The following SENP7 variants were observed in gnomAD, a reference collection of about 807,000 sequenced individuals.
SENP7 encodes sentrin-specific protease 7.
In SENP7, 64 loss-of-function variants were observed where a neutral mutation model predicts 141.2. The observed-to-expected ratio is 0.45, with a 90% CI of 0.37 to 0.56. The LOEUF is 0.56. SENP7 is among the 20% of genes least tolerant of loss of function. SENP7 has a pLI of 0.00. For missense variants in SENP7, 1,025 were observed against 1,212.2 expected, an observed-to-expected ratio of 0.85 and a Z score of 2.29; for synonymous variants, 382 against 426.4, an observed-to-expected ratio of 0.90 and a Z score of 1.28.
chr3:101,430,825 T>C (rs1472609305), intron 4 of SENP7, among the ~76,000 whole-genome samples: 2 of 152,236 alleles, frequency 1.3e-5, no homozygotes, highest in African/African-American at 2.4e-5. Context: ...TTTAGTGCTA[T>C]AAATTTCCCT....
intron 1 of SENP7, among the ~76,000 whole-genome samples, chr3:101,507,065 A>G (rs2065650486): frequency 6.6e-6 from 1 of 151,608 alleles, no homozygotes; most frequent in Admixed American, 6.6e-5. Context: ...CATCTCAAAA[A>G]AAAAAAAAAA....
rs1361281394 is a variant in SENP7 at position 101,493,959 on chromosome 3, T to A, written c.100A>T (p.Met34Leu). The A allele has an allele frequency of 6.3e-7, 1 of 1,597,964 alleles. No homozygotes were observed. Among genetic ancestry groups the A allele is most frequent in the Admixed American group, 1.7e-5 (1 of 59,972 alleles). Residue 34 changes from methionine (M) to leucine (L), a missense_variant, in exon 3 of 24, where the codon ATG becomes TTG. Physicochemically the swap from Met to Leu is conservative, Grantham distance 15. Transcript: ENST00000394095. ...SSSDLSEIRK[M>L]LNAKPEDVHV... The stretch of plus-strand genomic sequence containing the variant: ...ACATCCTCTGGTTTTGCATTTAACA[T>A]CTTTCTTATCTGAAAATAGGATGAG...
chr3:101,401,106 A>G (rs2061129121), intron 5 of SENP7, among the ~76,000 whole-genome samples: 3 of 152,094 alleles, frequency 2.0e-5, no homozygotes, highest in African/African-American at 7.2e-5. Context: ...CAAAAAAAAA[A>G]AAAAAGAACT....
chr3:101,367,791 T>G (rs751860126), intron 8 of SENP7, 39 bp downstream of exon 8: 1 of 1,280,672 alleles, frequency 7.8e-7, no homozygotes, highest in African/African-American at 1.5e-5. Context: ...TATCATAGCA[T>G]GAAATTATTT....
chr3:101,429,334 G>A (rs2062075541), intron 4 of SENP7, among the ~76,000 whole-genome samples: 1 of 152,156 alleles, frequency 6.6e-6, no homozygotes, highest in African/African-American at 2.4e-5. Context: ...AGCATGGAAT[G>A]TTTTTCCATT....
intron 3 of SENP7, among the ~76,000 whole-genome samples, chr3:101,459,627 A>G (rs1036241162): frequency 2.0e-5 from 3 of 152,188 alleles, no homozygotes; most frequent in Non-Finnish European, 2.9e-5. Context: ...AACAGTAGCT[A>G]CCTCACAAAG....
At chr3:101,454,988 T>A (rs2063301442) in intron 4 of SENP7, among the ~76,000 whole-genome samples, 1 of 152,230 alleles carries the variant, frequency 6.6e-6, no homozygotes, top group East Asian at 1.9e-4. Flanking sequence ...GTGAATTTTA[T>A]GATATGTAAA....
intron 5 of SENP7, among the ~76,000 whole-genome samples, chr3:101,400,202 T>G (rs2061094030): frequency 6.6e-6 from 1 of 152,244 alleles, no homozygotes; most frequent in Admixed American, 6.5e-5. Context: ...TTATGTAATT[T>G]TAAAGTTTTC....
chr3:101,411,140 A>G (rs1176558359), intron 5 of SENP7, among the ~76,000 whole-genome samples: 1 of 152,182 alleles, frequency 6.6e-6, no homozygotes, highest in Non-Finnish European at 1.5e-5. Flanking sequence ...GGGAAGAATA[A>G]TATCTCCCTT....
At chr3:101,421,326 T>C (rs2061785799) in intron 4 of SENP7, among the ~76,000 whole-genome samples, 1 of 151,568 alleles carries the variant, frequency 6.6e-6, no homozygotes, top group South Asian at 2.1e-4. Flanking sequence ...ACTACCAGTC[T>C]ATTATTTATA....
Position 101,506,295 on chromosome 3 carries a change from C to A in SENP7, c.41-5176G>T, listed in dbSNP as rs190287235. 3.0e-3 allele frequency among the ~76,000 whole-genome samples: 457 copies of A among 152,116 alleles called. 1 individual carries two copies. The highest frequency in any genetic ancestry group is 3.6e-3 in the Non-Finnish European group (245 of 67,986). On this transcript the variant is annotated intron_variant, in intron 1 of 23. Transcript: ENST00000394095. Reference sequence around the variant, plus strand: ...TTGGCCTCCCAAAGTGCTGGGATTACAGGCATGGGCCACAGCACCCAGCCT... The same window carrying A: ...TTGGCCTCCCAAAGTGCTGGGATTAAAGGCATGGGCCACAGCACCCAGCCT...
At chr3:101,485,506 G>A (rs1394745589) in intron 3 of SENP7, among the ~76,000 whole-genome samples, 1 of 152,152 alleles carries the variant, frequency 6.6e-6, no homozygotes, top group Non-Finnish European at 1.5e-5. Flanking sequence ...CCAGAAGAGA[G>A]ACAACAATCA....
intron 6 of SENP7, among the ~76,000 whole-genome samples, chr3:101,393,593 C>T (rs968261152): frequency 6.6e-6 from 1 of 152,058 alleles, no homozygotes; most frequent in African/African-American, 2.4e-5. Context: ...TGAAAAAATG[C>T]TCAACTTCAC....
chr3:101,509,855 C>T (rs1043776467), intron 1 of SENP7, among the ~76,000 whole-genome samples: 2 of 152,172 alleles, frequency 1.3e-5, no homozygotes, highest in Admixed American at 6.6e-5. Context: ...CTTTATCCTG[C>T]CCCTAAATCC....
In SENP7 at chr3:101,452,473, G is replaced by A. The variant is rs1185921278; in HGVS notation, c.284+6482C>T. 9.2e-5 allele frequency among the ~76,000 whole-genome samples: 14 copies of A among 152,156 alleles called. No individual in the cohort carries two copies. In the South Asian group the frequency reaches 2.7e-3, roughly 29 times the overall value. On this transcript the variant is annotated intron_variant, in intron 4 of 23. Coordinates refer to ENST00000394095, the MANE Select transcript of SENP7 (RefSeq NM_020654.5). Reference sequence around the variant, plus strand: ...TACCTGACTTCAAACTATACTACAAGGCTACAGTAACCAAAACAGCATGGT... The same window carrying A: ...TACCTGACTTCAAACTATACTACAAAGCTACAGTAACCAAAACAGCATGGT...
At chr3:101,417,857 A>G in intron 4 of SENP7, 67 bp from the exon 5 acceptor site, 1 of 1,243,358 alleles carries the variant, frequency 8.0e-7, no homozygotes. Context: ...ATTCATCACA[A>G]ACTAATATCT....
chr3:101,461,514 T>A (rs1387133229), intron 3 of SENP7, among the ~76,000 whole-genome samples: 3 of 151,490 alleles, frequency 2.0e-5, no homozygotes, highest in Admixed American at 2.0e-4. Flanking sequence ...AGAAAAAAAA[T>A]TAAGTGTTGC....
chr3:101,381,081 A>T (rs2060488444), intron 6 of SENP7, among the ~76,000 whole-genome samples: 1 of 152,236 alleles, frequency 6.6e-6, no homozygotes, highest in Admixed American at 6.5e-5. Flanking sequence ...TAAAATTCAG[A>T]AAAGTGGTTA....
chr3:101,348,371 A>T (rs1016179823), intron 12 of SENP7, among the ~76,000 whole-genome samples: 2 of 152,208 alleles, frequency 1.3e-5, no homozygotes, highest in Non-Finnish European at 2.9e-5. Context: ...AAATATTCAT[A>T]GCATAAAAAC....
Sources: allele counts gnomAD v4.1 joint callset (sites outside exome capture counted in the v4.1 genomes callset), GRCh38; gene constraint gnomAD v4.1.1; transcripts MANE v1.5; gene names NCBI Gene and HGNC (gene_info 2026-07-23, HGNC 2026-07-21).